Variants in SND1 observed in about 807,000 individuals in gnomAD.
SND1 encodes staphylococcal nuclease and tudor domain containing 1, also known as staphylococcal nuclease domain-containing protein 1.
In SND1, 38 loss-of-function variants were observed where a neutral mutation model predicts 121.7. The observed-to-expected ratio is 0.31, with a 90% confidence interval of 0.24 to 0.41. SND1 has a LOEUF of 0.41. SND1 is among the 10% of genes least tolerant of loss of function. The probability of loss-of-function intolerance (pLI) is 1.00; values close to 1 mark genes in which losing one functional copy is unlikely to be tolerated. For missense variants in SND1, 868 were observed against 1,184.6 expected, an observed-to-expected ratio of 0.73 and a Z score of 3.92; for synonymous variants, 401 against 447.4, an observed-to-expected ratio of 0.90 and a Z score of 1.31.
intron 16 of SND1, 102 bp from the exon 17 acceptor site, chr7:128,074,400 C>A (rs1483947440): frequency 3.2e-6 from 4 of 1,231,306 alleles, no homozygotes; most frequent in East Asian, 2.5e-5. Context: ...GCTGCCAAGG[C>A]CTGTGAGCCC....
At chr7:128,030,144 G>A (rs747144236) in intron 16 of SND1, 1 of 1,614,208 alleles carries the variant, frequency 6.2e-7, no homozygotes, top group East Asian at 2.2e-5. Context: ...CCGGTTGAAG[G>A]CGTAAGAGGG....
At chr7:127,767,697 A>G (rs2116491346) in intron 10 of SND1, among the ~76,000 whole-genome samples, 1 of 152,340 alleles carries the variant, frequency 6.6e-6, no homozygotes, top group Non-Finnish European at 1.5e-5. Context: ...ACCAGAACAC[A>G]GTCTCTGGAT....
At chr7:127,716,611 GT>G (rs917959930) in intron 9 of SND1, among the ~76,000 whole-genome samples, 16 of 151,904 alleles carry the variant, frequency 1.1e-4, no homozygotes, top group Admixed American at 2.6e-4. Context: ...AATTATTAGA[GT>G]TTTTTACCTA....
intron 14 of SND1, among the ~76,000 whole-genome samples, chr7:127,925,591 A>G (rs143672209): frequency 0.022 from 3,267 of 151,138 alleles, 48 homozygotes; most frequent in Non-Finnish European, 0.033. Flanking sequence ...ATTTATATAT[A>G]TGGTTGTGGG....
At chr7:127,806,006 C>T (rs1053307526) in intron 10 of SND1, among the ~76,000 whole-genome samples, 9 of 152,176 alleles carry the variant, frequency 5.9e-5, no homozygotes, top group African/African-American at 2.2e-4. Context: ...TTTGGAGCTA[C>T]TTAAATCTAA....
chr7:128,082,922 CAA>C (rs1793630445), intron 18 of SND1, among the ~76,000 whole-genome samples: 1 of 152,192 alleles, frequency 6.6e-6, no homozygotes, highest in Non-Finnish European at 1.5e-5. Context: ...AGGCAGAAAA[CAA>C]GAGAAAAGAG....
chr7:128,078,610 A>C (rs1793546975), intron 17 of SND1, among the ~76,000 whole-genome samples: 1 of 152,186 alleles, frequency 6.6e-6, no homozygotes, highest in African/African-American at 2.4e-5. Flanking sequence ...CCTGCTGCCC[A>C]CCTGAGCCTG....
At chr7:128,022,830 A>G (rs1191150945) in intron 16 of SND1, among the ~76,000 whole-genome samples, 1 of 152,002 alleles carries the variant, frequency 6.6e-6, no homozygotes, top group African/African-American at 2.4e-5. Context: ...CAAGCAGTGG[A>G]CAGCCTCCAG....
At chr7:127,773,065 A>G (rs1797545239) in intron 10 of SND1, among the ~76,000 whole-genome samples, 1 of 152,194 alleles carries the variant, frequency 6.6e-6, no homozygotes, top group Non-Finnish European at 1.5e-5. Context: ...AAGCTTTTTC[A>G]TTTTAGTCCT....
intron 10 of SND1, among the ~76,000 whole-genome samples, chr7:127,776,531 C>A (rs1797623695): frequency 6.6e-6 from 1 of 151,446 alleles, no homozygotes; most frequent in African/African-American, 2.4e-5. Context: ...AATAAAAAAC[C>A]CATACAAAAG....
intron 12 of SND1, among the ~76,000 whole-genome samples, chr7:127,861,800 C>G (rs1422775733): frequency 6.6e-6 from 1 of 152,136 alleles, no homozygotes; most frequent in African/African-American, 2.4e-5. Flanking sequence ...TGTACCATTC[C>G]ATGCTATAAC....
chr7:127,769,197 C>G (rs963604263), intron 10 of SND1, among the ~76,000 whole-genome samples: 1 of 151,282 alleles, frequency 6.6e-6, no homozygotes, highest in African/African-American at 2.4e-5. Flanking sequence ...TAAGAGTGGT[C>G]AAGAGAGGGC....
intron 11 of SND1, among the ~76,000 whole-genome samples, chr7:127,818,275 A>G (rs527896715): frequency 1.3e-5 from 2 of 152,288 alleles, no homozygotes; most frequent in East Asian, 3.9e-4. Context: ...GATTGGCAGC[A>G]TGCTTGTTGC....
At chr7:127,908,244 G>T (rs1266947349) in intron 14 of SND1, among the ~76,000 whole-genome samples, 1 of 151,532 alleles carries the variant, frequency 6.6e-6, no homozygotes, top group Non-Finnish European at 1.5e-5. Context: ...CTTAAGGTCA[G>T]GAATGCAAGA....
intron 16 of SND1, among the ~76,000 whole-genome samples, chr7:128,000,657 T>C (rs140089883): frequency 5.1e-4 from 78 of 152,252 alleles, no homozygotes; most frequent in African/African-American, 1.8e-3. Flanking sequence ...GCATGAGCCA[T>C]TGCACCTGGC....
chr7:127,909,550 T>G (rs943754858), intron 14 of SND1, among the ~76,000 whole-genome samples: 1 of 152,074 alleles, frequency 6.6e-6, no homozygotes, highest in African/African-American at 2.4e-5. Flanking sequence ...CTTTCACTCC[T>G]GGGCTCAAGT....
chr7:127,781,048 G>A lies in SND1; in HGVS notation c.1153-26436G>A, dbSNP rs183560748. Among the ~76,000 whole-genome samples, 6 of 152,312 alleles carry A rather than the reference G, an allele frequency of 3.9e-5. No homozygotes were observed. The East Asian group carries it at 1.2e-3, about 29-fold the overall frequency. On this transcript the variant is annotated intron_variant, in intron 10 of 23. Transcript: ENST00000354725. The stretch of plus-strand genomic sequence containing the variant: ...TTCTGCGGGACATCAAAGAATAAAA[G>A]TAGGATCAGATATATGGGAACATAT...
chr7:127,762,732 G>A (rs919188270), intron 10 of SND1, among the ~76,000 whole-genome samples: 8 of 152,316 alleles, frequency 5.3e-5, no homozygotes, highest in African/African-American at 1.9e-4. Context: ...ACTGTTATGG[G>A]TCTCAGAGTG....
chr7:127,703,078 G>A, intron 6 of SND1, 87 bp from the exon 7 acceptor site: 1 of 1,445,774 alleles, frequency 6.9e-7, no homozygotes, highest in Non-Finnish European at 9.6e-7. Flanking sequence ...CGTGGCATGT[G>A]TGTTTTTTGG....
Sources: allele counts gnomAD v4.1 joint callset (sites outside exome capture counted in the v4.1 genomes callset), GRCh38; gene constraint gnomAD v4.1.1; transcripts MANE v1.5; gene names NCBI Gene and HGNC (gene_info 2026-07-23, HGNC 2026-07-21).